Variants in ALMS1 observed in about 807,000 individuals in gnomAD.
ALMS1 encodes the protein centrosome-associated protein ALMS1.
Under a neutral mutation model 352.2 loss-of-function variants are expected in ALMS1, and 271 were observed. The ratio of observed to expected loss-of-function variants is 0.77; its 90% CI spans 0.70 to 0.85. The LOEUF is 0.85. Ranked by LOEUF, ALMS1 falls within the 40% of genes least tolerant of loss-of-function variation. The probability of loss-of-function intolerance (pLI) is 0.00; values close to 1 mark genes in which losing one functional copy is unlikely to be tolerated. For missense variants in ALMS1, 5,445 were observed against 4,870.7 expected (o/e 1.12, Z -3.51); for synonymous variants, 1,865 against 1,761.2 (o/e 1.06, Z -1.48).
chr2:73,541,608 G>A (rs1214368251), intron 12 of ALMS1, among the ~76,000 whole-genome samples: 1 of 152,102 alleles, frequency 6.6e-6, no homozygotes, highest in Non-Finnish European at 1.5e-5. Context: ...CAACAAAATT[G>A]ATAGACTGCT....
intron 10 of ALMS1, among the ~76,000 whole-genome samples, chr2:73,507,740 G>A (rs1424522127): frequency 6.6e-6 from 1 of 152,058 alleles, no homozygotes; most frequent in Admixed American, 6.5e-5. Flanking sequence ...TGAATTCGTT[G>A]ATTTTTTTGG....
intron 1 of ALMS1, among the ~76,000 whole-genome samples, chr2:73,397,841 C>G (rs956606339): frequency 6.6e-6 from 1 of 152,190 alleles, no homozygotes; most frequent in Non-Finnish European, 1.5e-5. Flanking sequence ...CATCTGTGCC[C>G]TGCCCCTCTC....
intron 16 of ALMS1, among the ~76,000 whole-genome samples, chr2:73,598,491 C>T (rs1347410944): frequency 6.6e-6 from 1 of 152,186 alleles, no homozygotes; most frequent in Non-Finnish European, 1.5e-5. Context: ...TAACATAGAT[C>T]TTCCTCCCCA....
rs773848485 is a variant in ALMS1 at position 73,451,085 on chromosome 2, T to G, written c.4558T>G (p.Ser1520Ala). The change falls in exon 8 of 23, where the codon TCT becomes GCT. Residue 1520 changes from serine (S) to alanine (A), a missense_variant. Ser to Ala is a moderately conservative substitution (Grantham distance 99, BLOSUM62 1). Coordinates refer to ENST00000613296, the MANE Select transcript of ALMS1 (RefSeq NM_001378454.1). Reference sequence around the variant, plus strand: ...GACAACTGGCGCACCAACTATAACCTCTCCTTCCTACTCACAACATAGAGC... The same window carrying G: ...GACAACTGGCGCACCAACTATAACCGCTCCTTCCTACTCACAACATAGAGC... ...GQTTGAPTIT[S>A]PSYSQHRAKS... The G allele has an allele frequency of 6.2e-7, 1 of 1,613,628 alleles. No individual in the cohort carries two copies.
chr2:73,465,962 G>A (rs973657824), intron 9 of ALMS1, among the ~76,000 whole-genome samples: 309 of 151,986 alleles, frequency 2.0e-3, no homozygotes, highest in African/African-American at 4.7e-3. Context: ...TTAGAATGGC[G>A]ATCATTAAAA....
chr2:73,510,903 A>T (rs796856041), intron 10 of ALMS1, among the ~76,000 whole-genome samples: 2 of 152,294 alleles, frequency 1.3e-5, no homozygotes, highest in African/African-American at 4.8e-5. Flanking sequence ...TCTTTCAGAG[A>T]TGCCCTGCCC....
chr2:73,540,080 A>G (rs1483149534), intron 12 of ALMS1, among the ~76,000 whole-genome samples: 2 of 152,196 alleles, frequency 1.3e-5, no homozygotes, highest in Non-Finnish European at 2.9e-5. Flanking sequence ...CAGATTCACC[A>G]AAGTTGAAAT....
At position 73,453,394 on chromosome 2, in the gene ALMS1, T is replaced by C; in HGVS notation, c.6867T>C (p.Ile2289=). 6.2e-7 allele frequency: 1 copy of C among 1,613,844 alleles called. No individual in the cohort carries two copies. Among genetic ancestry groups the C allele is most frequent in the South Asian group, 1.1e-5 (1 of 91,052 alleles). Residue 2289 remains isoleucine (I), a synonymous_variant, in exon 8 of 23, where the codon ATT becomes ATC. Transcript: ENST00000613296. ...FPAPLARFRD[I]SDISFIQSKK... ...CTCCCCTTGCCCGTTTCAGAGATAT[T>C]AGTGATATTTCATTTATACAATCTA...
At chr2:73,518,208 G>A (rs1673600242) in intron 10 of ALMS1, among the ~76,000 whole-genome samples, 1 of 151,884 alleles carries the variant, frequency 6.6e-6, no homozygotes, top group South Asian at 2.1e-4. Context: ...ATAAATGTGA[G>A]GATGCAGTAT....
chr2:73,387,698 TATG>T (rs1158494043), intron 1 of ALMS1, among the ~76,000 whole-genome samples: 6 of 152,260 alleles, frequency 3.9e-5, no homozygotes, highest in Admixed American at 2.0e-4. Flanking sequence ...CGAGGGGATG[TATG>T]ATAAGTTAGG....
chr2:73,533,202 G>A (rs1296419026), intron 11 of ALMS1, among the ~76,000 whole-genome samples: 1 of 152,242 alleles, frequency 6.6e-6, no homozygotes, highest in African/African-American at 2.4e-5. Context: ...AGTGGTGCAA[G>A]TGCTTCCCTT....
rs779617451 is a variant in ALMS1, at chr2:73,424,437, C to T, written c.772C>T (p.Pro258Ser). The T allele has an allele frequency of 1.9e-5, 30 of 1,552,370 alleles. No individual in the cohort carries two copies. Among genetic ancestry groups the T allele is most frequent in the Non-Finnish European group, 2.4e-5 (28 of 1,152,242 alleles). ...TTAACTATATATTTTCAGGGGAATT[C>T]CTGATAAGTCTGAAGATACTGAATG... ...ELSFAPLRGIPDKSEDTEWSS... is the reference protein window; with the variant it reads ...ELSFAPLRGISDKSEDTEWSS... The change falls in exon 5 of 23, where the codon CCT (proline) becomes TCT (serine). Residue 258 changes from proline (P) to serine (S), a missense_variant. Physicochemically the swap from Pro to Ser is moderately conservative, Grantham distance 74. Coordinates refer to ENST00000613296, the MANE Select transcript of ALMS1 (RefSeq NM_001378454.1).
At chr2:73,387,219 T>G (rs769189126) in intron 1 of ALMS1, among the ~76,000 whole-genome samples, 1 of 152,210 alleles carries the variant, frequency 6.6e-6, no homozygotes, top group Non-Finnish European at 1.5e-5. Flanking sequence ...TGAACATGTA[T>G]TATTAGAATT....
intron 10 of ALMS1, among the ~76,000 whole-genome samples, chr2:73,491,788 C>T (rs183244961): frequency 1.3e-5 from 2 of 152,274 alleles, no homozygotes; most frequent in East Asian, 1.9e-4. Flanking sequence ...GATACAATTA[C>T]GAATTTATTT....
chr2:73,457,592 T>C (rs760887941), intron 9 of ALMS1, among the ~76,000 whole-genome samples: 10 of 152,192 alleles, frequency 6.6e-5, no homozygotes, highest in Non-Finnish European at 1.3e-4. Context: ...TATATCAGTG[T>C]TCAAGCCTAT....
intron 9 of ALMS1, chr2:73,459,026 A>G (rs1232467543): frequency 6.6e-6 from 1 of 151,674 alleles, no homozygotes; most frequent in African/African-American, 2.4e-5. Flanking sequence ...TTGATGAAAA[A>G]CCTGTTATAA....
Position 73,452,693 on chromosome 2 carries a change from A to G in ALMS1, c.6166A>G (p.Ile2056Val), listed in dbSNP as rs747108462. ...SSYSQTVKPN[I>V]LFQQQLPDRD... ...CTATTCTCAAACAGTAAAGCCCAAT[A>G]TTTTATTTCAACAGCAGTTGCCAGA... The change falls in exon 8 of 23, where the codon ATT (isoleucine) becomes GTT (valine). Residue 2056 changes from isoleucine (I) to valine (V), a missense_variant. Physicochemically the swap from Ile to Val is conservative, Grantham distance 29. Transcript: ENST00000613296. 13 of 1,613,748 alleles carry G rather than the reference A, an allele frequency of 8.1e-6. No homozygotes were observed. The Admixed American group carries it at 1.8e-4, about 23-fold the overall frequency.
intron 6 of ALMS1, among the ~76,000 whole-genome samples, chr2:73,426,973 G>A (rs1409596130): frequency 6.6e-6 from 1 of 152,168 alleles, no homozygotes; most frequent in African/African-American, 2.4e-5. Flanking sequence ...TGTTCCATTA[G>A]AGGTTGGTAT....
intron 9 of ALMS1, among the ~76,000 whole-genome samples, chr2:73,461,257 A>G (rs62151646): frequency 0.3 from 45,950 of 152,122 alleles, 8,521 homozygotes; most frequent in African/African-American, 0.53. Context: ...AGGAATGATC[A>G]GGCAGCAGCA....
Sources: allele counts gnomAD v4.1 joint callset (sites outside exome capture counted in the v4.1 genomes callset), GRCh38; gene constraint gnomAD v4.1.1; transcripts MANE v1.5; gene names NCBI Gene and HGNC (gene_info 2026-07-23, HGNC 2026-07-21).